The following DDX6 variants were observed in gnomAD, a reference collection of about 807,000 sequenced individuals.
DDX6 encodes the protein DEAD-box helicase 6.
A neutral mutation model predicts 60.6 loss-of-function variants in DDX6; 7 were observed. The ratio of observed to expected loss-of-function variants is 0.12; its 90% CI spans 0.07 to 0.22. The LOEUF (loss-of-function observed/expected upper bound fraction) is 0.22, where lower values mean the gene tolerates loss of function less well. Among genes scored for constraint, DDX6 ranks in the 10% least tolerant of loss-of-function variants. The pLI, the probability that DDX6 is intolerant of heterozygous loss-of-function variation, is 1.00. For missense variants in DDX6, 270 were observed against 589.9 expected (o/e 0.46, Z 5.62); for synonymous variants, 207 against 201.0 (o/e 1.03, Z -0.25).
chr11:118,782,909 C>T (rs1434852032), intron 2 of DDX6, among the ~76,000 whole-genome samples: 3 of 152,124 alleles, frequency 2.0e-5, no homozygotes, highest in Admixed American at 6.5e-5. Context: ...GGATTACAGG[C>T]GTGAGCCACC....
chr11:118,770,002 C>T (rs1009326114), intron 4 of DDX6, among the ~76,000 whole-genome samples: 13 of 151,692 alleles, frequency 8.6e-5, no homozygotes, highest in African/African-American at 1.5e-4. Flanking sequence ...GCCAGCGCGC[C>T]GGGCCATGAT....
At chr11:118,761,880 A>C (rs554898968) in intron 7 of DDX6, among the ~76,000 whole-genome samples, 9 of 144,322 alleles carry the variant, frequency 6.2e-5, no homozygotes, top group Admixed American at 1.4e-4. Flanking sequence ...AAAAAAAAAC[A>C]AACCATGTAA....
intron 1 of DDX6, chr11:118,789,777 T>G (rs565453069): frequency 5.9e-5 from 9 of 152,238 alleles, no homozygotes; most frequent in African/African-American, 2.2e-4. Context: ...CAGTAAGACC[T>G]CCTATATCCT....
chr11:118,762,233 G>A (rs965703210), intron 7 of DDX6, among the ~76,000 whole-genome samples: 6 of 149,004 alleles, frequency 4.0e-5, no homozygotes, highest in African/African-American at 9.9e-5. Context: ...CCGAGATCAC[G>A]CCACTGCACT....
intron 7 of DDX6, among the ~76,000 whole-genome samples, chr11:118,762,860 T>C (rs1555160539): frequency 6.6e-6 from 1 of 152,158 alleles, no homozygotes; most frequent in African/African-American, 2.4e-5. Flanking sequence ...TACAAAGTAG[T>C]ATGCACAAAA....
chr11:118,755,593 T>C (rs1466140642), intron 11 of DDX6, 90 bp from the exon 12 acceptor site: 2 of 703,892 alleles, frequency 2.8e-6, no homozygotes, highest in African/African-American at 3.6e-5. Context: ...AACCTAAGTT[T>C]ATTAATTTAA....
chr11:118,790,877 C>T (rs940195652), intron 1 of DDX6: 4 of 152,778 alleles, frequency 2.6e-5, no homozygotes, highest in Non-Finnish European at 5.9e-5. Flanking sequence ...GACTCGGGCC[C>T]GTGTCCTACC....
chr11:118,768,393 G>A (rs782259291), intron 4 of DDX6, 41 bp from the exon 5 acceptor site: 9 of 1,604,012 alleles, frequency 5.6e-6, no homozygotes, highest in Non-Finnish European at 7.7e-6. Context: ...TCTGAATGTA[G>A]TACACAAGCA....
chr11:118,772,144 G>C (rs574635643), intron 4 of DDX6, among the ~76,000 whole-genome samples: 94 of 152,172 alleles, frequency 6.2e-4, no homozygotes, highest in Non-Finnish European at 1.3e-3. Flanking sequence ...AAAATCACAA[G>C]TTAGGTTTTT....
chr11:118,768,986 T>TAAAAAAA (rs1861444118), intron 4 of DDX6, among the ~76,000 whole-genome samples: 1 of 3,980 alleles, frequency 2.5e-4, no homozygotes, highest in Non-Finnish European at 9.5e-4. Context: ...TCGTCTCATC[T>TAAAAAAA]CAAAAAAAAA....
chr11:118,785,552 A>G (rs1862046205), intron 2 of DDX6, among the ~76,000 whole-genome samples: 1 of 151,934 alleles, frequency 6.6e-6, no homozygotes, highest in African/African-American at 2.4e-5. Flanking sequence ...CCATAAGCTA[A>G]AAAAAGTTAC....
Position 118,755,435 on chromosome 11 carries a change from C to A in DDX6, c.1243G>T (p.Ala415Ser), listed in dbSNP as rs201068003. The change falls in exon 12 of 14, where the codon GCA becomes TCA. Residue 415 changes from alanine to serine, a missense_variant. Coordinates refer to ENST00000534980, the MANE Select transcript of DDX6 (RefSeq NM_004397.6). The stretch of plus-strand genomic sequence containing the variant: ...CCAATACGATGGAGATAGGTCTCTG[C>A]CAGCTTTGGGAAATCAAAGTTTATT... ...VVINFDFPKL[A>S]ETYLHRIGRS... The A allele has an allele frequency of 3.7e-6, 6 of 1,610,612 alleles. No individual in the cohort carries two copies. The highest frequency in any genetic ancestry group is 5.1e-6 in the Non-Finnish European group (6 of 1,177,372).
At position 118,757,164 on chromosome 11, in the gene DDX6, T is replaced by C; in HGVS notation, c.1110+7A>G. On this transcript the variant is annotated splice_region_variant and intron_variant, in intron 10 of 13. Transcript: ENST00000534980. ...TAAATTTGTGCAAGTTCTAGTTTTA[T>C]ACTCACCTGCCTCATTTTAGCATGA... 1 of 1,430,186 alleles carries C rather than the reference T, an allele frequency of 7.0e-7. No homozygotes were observed. The highest frequency in any genetic ancestry group is 1.5e-5 in the African/African-American group (1 of 68,734). 88.6% of individuals were successfully genotyped at this position (1,430,186 alleles called of 1,614,324 possible). A position where few individuals can be genotyped will look rare whatever the true frequency, so the allele number is the denominator to read the frequency against.
chr11:118,761,583 C>T (rs1861167312), intron 7 of DDX6, among the ~76,000 whole-genome samples: 1 of 152,000 alleles, frequency 6.6e-6, no homozygotes, highest in Non-Finnish European at 1.5e-5. Flanking sequence ...CACCACTGCA[C>T]TCCAAGCGGG....
intron 6 of DDX6, among the ~76,000 whole-genome samples, chr11:118,764,443 T>C (rs614554): frequency 0.4 from 60,174 of 151,946 alleles, 12,349 homozygotes; most frequent in Admixed American, 0.52. Context: ...TACCACCCCA[T>C]AGCAAACAAC....
Position 118,757,242 on chromosome 11 carries a change from C to A in DDX6, c.1039G>T (p.Val347Phe). The change falls in exon 10 of 14, where the codon GTT becomes TTT. Residue 347 changes from valine (V) to phenylalanine (F), a missense_variant. By Grantham distance (50) the Val-to-Phe change is conservative (BLOSUM62 -1). Transcript: ENST00000534980. ...SIIFCNSSQR[V>F]ELLAKKISQL... ...GAAATCTTCTTGGCTAGCAATTCAA[C>A]TCGCTGAGAGGAGTTACAGAAAATG... 1 of 1,587,572 alleles carries A rather than the reference C, an allele frequency of 6.3e-7. No homozygotes were observed. Among genetic ancestry groups the A allele is most frequent in the Non-Finnish European group, 8.6e-7 (1 of 1,168,262 alleles).
chr11:118,756,382 A>C (rs1860977570), intron 10 of DDX6, 59 bp from the exon 11 acceptor site: 2 of 1,339,778 alleles, frequency 1.5e-6, no homozygotes, highest in Admixed American at 3.5e-5. Flanking sequence ...CAAATTTCCC[A>C]TAATTATTTC....
intron 5 of DDX6, among the ~76,000 whole-genome samples, chr11:118,766,961 C>T (rs1375023139): frequency 1.3e-5 from 2 of 151,832 alleles, no homozygotes; most frequent in African/African-American, 4.8e-5. Flanking sequence ...TCTTGGCTGA[C>T]TGCAACCTCC....
Position 118,748,554 on chromosome 11 carries a change from GA to G in DDX6, c.*3550del, listed in dbSNP as rs1219979651. 1.3e-5 allele frequency: 2 copies of G among 151,814 alleles called. No homozygotes were observed. Among genetic ancestry groups the G allele is most frequent in the East Asian group, 1.9e-4 (1 of 5,180 alleles). The allele number at this position is 151,814 out of a possible 1,614,324, so 9.4% of individuals were successfully genotyped here. A position where few individuals can be genotyped will look rare whatever the true frequency, so the allele number is the denominator to read the frequency against. On this transcript the variant is annotated 3_prime_UTR_variant, in exon 14 of 14. Transcript: ENST00000534980. Reference sequence around the variant, plus strand: ...CAAATTTAAAGATACCTAGAACATTGAAAAAAATAGCAAATTAAAATAAATG... The same window carrying G: ...CAAATTTAAAGATACCTAGAACATTGAAAAAATAGCAAATTAAAATAAATG...
Sources: gnomAD v4.1 joint callset for allele counts (sites outside exome capture counted in the v4.1 genomes callset) on GRCh38, gnomAD v4.1.1 for gene constraint, MANE v1.5 for transcripts, NCBI Gene and HGNC (gene_info 2026-07-23, HGNC 2026-07-21) for gene names.